Variants in LRP1B observed in about 807,000 individuals in gnomAD.
The protein encoded by LRP1B is low-density lipoprotein receptor-related protein 1B.
In LRP1B, 217 loss-of-function variants were observed where a neutral mutation model predicts 556.6. The ratio of observed to expected loss-of-function variants is 0.39; its 90% CI spans 0.35 to 0.44. The LOEUF is 0.44. Among genes scored for constraint, LRP1B ranks in the 20% least tolerant of loss-of-function variants. The pLI, the probability that LRP1B is intolerant of heterozygous loss-of-function variation, is 1.00. For synonymous variants in LRP1B, 2,047 were observed against 1,865.8 expected, an observed-to-expected ratio of 1.10 and a Z score of -2.50; for missense variants, 5,053 against 5,620.8, an observed-to-expected ratio of 0.90 and a Z score of 3.23.
intron 1 of LRP1B, among the ~76,000 whole-genome samples, chr2:142,040,625 T>TG (rs35440060): frequency 3.4e-5 from 1 of 29,772 alleles, no homozygotes; most frequent in Non-Finnish European, 9.0e-5. Context: ...AGTACTGAGG[T>TG]TTTTTTTTTT....
Position 140,364,310 on chromosome 2 carries a change from C to T in LRP1B, c.11131+351G>A, listed in dbSNP as rs183009928. ...ATATTTTTAATTTGCTTATCTGTAT[C>T]CCTCCAAAATTAACCTAAACTCCAA... On this transcript the variant is annotated intron_variant, in intron 72 of 90. Transcript: ENST00000389484. 2.6e-3 allele frequency among the ~76,000 whole-genome samples: 394 copies of T among 151,440 alleles called. 2 individuals are homozygous for T. The highest frequency in any genetic ancestry group is 2.5e-3 in the Non-Finnish European group (169 of 67,674).
chr2:141,543,371 C>T (rs562167258), intron 2 of LRP1B, among the ~76,000 whole-genome samples: 1 of 151,442 alleles, frequency 6.6e-6, no homozygotes, highest in East Asian at 2.0e-4. Context: ...AAAAATTATT[C>T]AGGCATGACA....
At chr2:141,426,797 A>G (rs1027545988) in intron 3 of LRP1B, among the ~76,000 whole-genome samples, 2 of 152,208 alleles carry the variant, frequency 1.3e-5, no homozygotes, top group African/African-American at 4.8e-5. Flanking sequence ...TAAAACAAAG[A>G]CAAGTAATCT....
intron 7 of LRP1B, among the ~76,000 whole-genome samples, chr2:141,124,195 A>G (rs1701139073): frequency 6.6e-6 from 1 of 152,110 alleles, no homozygotes; most frequent in African/African-American, 2.4e-5. Context: ...TTGATAGTGA[A>G]ATAAAGTAGG....
chr2:141,484,842 A>G (rs900010025), intron 2 of LRP1B, among the ~76,000 whole-genome samples: 1 of 152,108 alleles, frequency 6.6e-6, no homozygotes, highest in Non-Finnish European at 1.5e-5. Context: ...GAAGTTGCTT[A>G]TCAGCTTAAG....
intron 2 of LRP1B, among the ~76,000 whole-genome samples, chr2:141,653,986 T>C (rs373300340): frequency 2.2e-4 from 34 of 152,334 alleles, no homozygotes; most frequent in African/African-American, 7.9e-4. Flanking sequence ...TTTTTGGATA[T>C]TGAATACTTA....
chr2:141,389,346 G>A (rs1327997350), intron 3 of LRP1B, among the ~76,000 whole-genome samples: 5 of 152,090 alleles, frequency 3.3e-5, no homozygotes, highest in Non-Finnish European at 7.4e-5. Flanking sequence ...TTGGACAAAA[G>A]GTGCTGAGAC....
chr2:141,467,759 T>A (rs6429884), intron 3 of LRP1B, among the ~76,000 whole-genome samples: 1 of 149,790 alleles, frequency 6.7e-6, no homozygotes, highest in Non-Finnish European at 1.5e-5. Context: ...TCATTTTAGG[T>A]GAAATGCAGG....
chr2:142,030,307 A>G (rs548513447), intron 1 of LRP1B, among the ~76,000 whole-genome samples: 1 of 152,106 alleles, frequency 6.6e-6, no homozygotes, highest in East Asian at 1.9e-4. Context: ...TCTTATGTTC[A>G]TTAAGGCAAG....
chr2:140,350,670 G>T, intron 77 of LRP1B, 127 bp downstream of exon 77: 1 of 769,582 alleles, frequency 1.3e-6, no homozygotes, highest in Non-Finnish European at 1.9e-6. Flanking sequence ...TTCTATTTAA[G>T]GAGAATATTG....
At chr2:141,123,082 C>T (rs1284774673) in intron 7 of LRP1B, among the ~76,000 whole-genome samples, 1 of 151,968 alleles carries the variant, frequency 6.6e-6, no homozygotes, top group Non-Finnish European at 1.5e-5. Context: ...GGGAACATCA[C>T]ACACCAGGGC....
intron 2 of LRP1B, among the ~76,000 whole-genome samples, chr2:141,624,950 A>G (rs1462361978): frequency 2.6e-5 from 4 of 151,852 alleles, no homozygotes; most frequent in Non-Finnish European, 5.9e-5. Context: ...TTTGTATTTT[A>G]GTAGAGTCGG....
intron 20 of LRP1B, among the ~76,000 whole-genome samples, chr2:140,931,658 G>T (rs546504767): frequency 1.3e-5 from 2 of 152,212 alleles, no homozygotes; most frequent in South Asian, 2.1e-4. Context: ...TCAATGTAGA[G>T]TTCTAAGTAT....
chr2:141,621,552 T>TG (rs1400757472), intron 2 of LRP1B, among the ~76,000 whole-genome samples: 1 of 152,210 alleles, frequency 6.6e-6, no homozygotes, highest in African/African-American at 2.4e-5. Context: ...AAACTAATCA[T>TG]GGAACTGCTT....
intron 11 of LRP1B, among the ~76,000 whole-genome samples, chr2:141,038,624 C>T (rs1176117100): frequency 6.6e-6 from 1 of 152,030 alleles, no homozygotes; most frequent in Admixed American, 6.6e-5. Context: ...GGATATTGTT[C>T]AGTCTCACAA....
chr2:140,467,723 T>TTG (rs1164878611), intron 60 of LRP1B, among the ~76,000 whole-genome samples: 1 of 151,710 alleles, frequency 6.6e-6, no homozygotes, highest in Non-Finnish European at 1.5e-5. Context: ...ATTGATTGAA[T>TTG]TGTGTTTGCA....
chr2:141,082,947 C>T (rs888781984), intron 7 of LRP1B, among the ~76,000 whole-genome samples: 2 of 152,188 alleles, frequency 1.3e-5, no homozygotes, highest in East Asian at 1.9e-4. Context: ...CCAACCACCA[C>T]CTTTGATCAC....
intron 11 of LRP1B, among the ~76,000 whole-genome samples, chr2:141,046,140 G>C (rs1279175382): frequency 6.6e-6 from 1 of 152,076 alleles, no homozygotes; most frequent in Non-Finnish European, 1.5e-5. Flanking sequence ...TCTTAAGAGG[G>C]AGAATCTGAG....
In LRP1B at chr2:140,833,291, C is replaced by T. The variant is rs369135116; in HGVS notation, c.5209+6700G>A. ...AATGATGTGGTATGAAAGTACTCAGCAAGCCTGCCATATTTGTTATTGTTT... is the reference window on the plus strand; with the variant it reads ...AATGATGTGGTATGAAAGTACTCAGTAAGCCTGCCATATTTGTTATTGTTT... On this transcript the variant is annotated intron_variant, in intron 31 of 90. Coordinates refer to ENST00000389484, the MANE Select transcript of LRP1B (RefSeq NM_018557.3). 8.7e-4 allele frequency among the ~76,000 whole-genome samples: 133 copies of T among 152,294 alleles called. 1 individual carries two copies. The highest frequency in any genetic ancestry group is 1.0e-3 in the Non-Finnish European group (71 of 68,034).
Sources: allele counts gnomAD v4.1 joint callset (sites outside exome capture counted in the v4.1 genomes callset), GRCh38; gene constraint gnomAD v4.1.1; transcripts MANE v1.5; gene names NCBI Gene and HGNC (gene_info 2026-07-23, HGNC 2026-07-21).